Variants in DNAH3 observed in about 807,000 individuals in gnomAD.
DNAH3 encodes axonemal beta dynein heavy chain 3.
A neutral mutation model predicts 432.5 loss-of-function variants in DNAH3; 332 were observed. That is an observed-to-expected ratio of 0.77 (90% confidence interval 0.70 to 0.84). DNAH3 has a LOEUF of 0.84. DNAH3 is among the 40% of genes least tolerant of loss of function. The probability of loss-of-function intolerance (pLI) is 0.00; values close to 1 mark genes in which losing one functional copy is unlikely to be tolerated. For missense variants in DNAH3, 4,861 were observed against 5,114.0 expected (o/e 0.95, Z 1.51); for synonymous variants, 1,956 against 1,900.2 (o/e 1.03, Z -0.76).
chr16:21,082,706 G>A (rs1183102682), intron 19 of DNAH3, among the ~76,000 whole-genome samples: 1 of 151,906 alleles, frequency 6.6e-6, no homozygotes, highest in African/African-American at 2.4e-5. Flanking sequence ...GCAGGTGCCT[G>A]CAATCCCAGC....
At chr16:21,139,584 C>T (rs34976834) in intron 5 of DNAH3, among the ~76,000 whole-genome samples, 65,637 of 150,806 alleles carry the variant, frequency 0.44, 14,557 homozygotes, top group East Asian at 0.68. Flanking sequence ...ACAAGTGATC[C>T]TCCCACCTCA....
chr16:20,989,078 A>C (rs2086393179), intron 44 of DNAH3, among the ~76,000 whole-genome samples: 4 of 152,220 alleles, frequency 2.6e-5, no homozygotes, highest in South Asian at 4.1e-4. Context: ...GAAAGAACAA[A>C]GCTTCCACAG....
chr16:21,107,371 C>T (rs772607309), intron 14 of DNAH3, among the ~76,000 whole-genome samples: 10 of 150,598 alleles, frequency 6.6e-5, no homozygotes, highest in Non-Finnish European at 1.0e-4. Flanking sequence ...TCCCGAGTAG[C>T]TGGGATTACA....
rs2090374975 is a variant in DNAH3, at chr16:21,061,933, G to A, written c.3720+549C>T. Among the ~76,000 whole-genome samples, 6 of 152,304 alleles carry A rather than the reference G, an allele frequency of 3.9e-5. No homozygotes were observed. In the South Asian group the frequency reaches 1.0e-3, roughly 26 times the overall value. Reference sequence around the variant, plus strand: ...CTCCTGGTTGCTGCAGTTTATACGCGTGGGTGGCAAAAACAGTCAACAAAG... The same window carrying A: ...CTCCTGGTTGCTGCAGTTTATACGCATGGGTGGCAAAAACAGTCAACAAAG... On this transcript the variant is annotated intron_variant, in intron 25 of 61. Coordinates refer to ENST00000261383, the Ensembl canonical transcript of DNAH3.
At position 21,051,860 on chromosome 16, in the gene DNAH3, C is replaced by T. The variant is rs201094341; in HGVS notation, c.4048G>A (p.Val1350Met). 2.8e-5 allele frequency: 45 copies of T among 1,614,182 alleles called. No homozygotes were observed. Among genetic ancestry groups the T allele is most frequent in the Middle Eastern group, 1.7e-4 (1 of 6,058 alleles). Residue 1350 changes from valine (V) to methionine (M), a missense_variant, in exon 29 of 62, where the codon GTG (valine) becomes ATG (methionine). Val to Met is a conservative substitution (Grantham distance 21, BLOSUM62 1). Transcript: ENST00000261383. Reference sequence around the variant, plus strand: ...CTGTCCTCAGATAACTTGGCCACCACGTCGCGGGCTGTTGGGACACAGATG... The same window carrying T: ...CTGTCCTCAGATAACTTGGCCACCATGTCGCGGGCTGTTGGGACACAGATG...
Position 20,963,839 on chromosome 16 carries a change from T to A in DNAH3, c.10045A>T (p.Ile3349Phe), listed in dbSNP as rs778422067. The change falls in exon 53 of 62, where the codon ATC (isoleucine) becomes TTC (phenylalanine). Residue 3349 changes from isoleucine to phenylalanine, a missense_variant. Transcript: ENST00000261383. Reference sequence around the variant, plus strand: ...ATGCTCAGGGTGAAATGGTCAATGATGTACTTGATGCGCAGATTCAGTTCC... The same window carrying A: ...ATGCTCAGGGTGAAATGGTCAATGAAGTACTTGATGCGCAGATTCAGTTCC... 4 of 1,614,078 alleles carry A rather than the reference T, an allele frequency of 2.5e-6. No homozygotes were observed. In the Admixed American group the frequency reaches 6.7e-5, roughly 27 times the overall value.
At chr16:21,098,501 G>T in intron 17 of DNAH3, 115 bp downstream of exon 17, 6 of 963,700 alleles carry the variant, frequency 6.2e-6, no homozygotes, top group South Asian at 2.3e-5. Flanking sequence ...TGGCCAATGA[G>T]TTAACCAATA....
At chr16:21,054,556 A>ACAACTGGTTACATTTGACTCT in intron 27 of DNAH3, 22 bp from the exon 28 acceptor site, 2 of 1,551,510 alleles carry the variant, frequency 1.3e-6, no homozygotes, top group Non-Finnish European at 1.8e-6. Flanking sequence ...AGAGGAGGGG[A>ACAACTGGTTACATTTGACTCT]CAACTGGTTA....
At chr16:21,028,106 C>A (rs1341494276) in intron 37 of DNAH3, among the ~76,000 whole-genome samples, 1 of 152,202 alleles carries the variant, frequency 6.6e-6, no homozygotes, top group Non-Finnish European at 1.5e-5. Context: ...CCCACCTCAG[C>A]CTCCTGAGTA....
intron 58 of DNAH3, 58 bp downstream of exon 58, chr16:20,944,438 A>C (rs1417516371): frequency 6.3e-7 from 1 of 1,595,654 alleles, no homozygotes; most frequent in Non-Finnish European, 8.6e-7. Context: ...CTGTGTGCCC[A>C]CTGGATGAAG....
exon 28 of DNAH3, chr16:21,054,425 A>C: frequency 1.2e-6 from 2 of 1,613,404 alleles, no homozygotes; most frequent in Non-Finnish European, 1.7e-6. Flanking sequence ...CTTACCGTGG[A>C]CATCGATGAC....
intron 56 of DNAH3, among the ~76,000 whole-genome samples, chr16:20,951,127 TAC>T (rs1413352658): frequency 6.6e-6 from 1 of 152,156 alleles, no homozygotes; most frequent in African/African-American, 2.4e-5. Context: ...GATCAAGTTT[TAC>T]ACATTTACAT....
At chr16:20,968,270 T>C (rs895738429) in intron 52 of DNAH3, among the ~76,000 whole-genome samples, 3 of 152,048 alleles carry the variant, frequency 2.0e-5, no homozygotes, top group African/African-American at 7.2e-5. Flanking sequence ...GGTTTTGTCA[T>C]GTTGTCCAGG....
chr16:21,104,532 C>T, exon 16 of DNAH3: 2 of 1,613,996 alleles, frequency 1.2e-6, no homozygotes, highest in Non-Finnish European at 1.7e-6. Flanking sequence ...CGGCTGTTGT[C>T]AAAGATATCT....
At chr16:21,155,621 CAAAAAAAA>C (rs369001374) in intron 1 of DNAH3, among the ~76,000 whole-genome samples, 1 of 76,764 alleles carries the variant, frequency 1.3e-5, no homozygotes, top group Admixed American at 1.6e-4. Flanking sequence ...GACTCCGTCT[CAAAAAAAA>C]AAAAAAAAAA....
intron 20 of DNAH3, among the ~76,000 whole-genome samples, chr16:21,079,646 AAAAT>A (rs1179391063): frequency 2.0e-5 from 3 of 152,168 alleles, no homozygotes; most frequent in Admixed American, 6.5e-5. Flanking sequence ...CAAAAAATAA[AAAAT>A]AAATAAATAA....
chr16:20,988,355 C>A (rs1474742030), intron 44 of DNAH3, among the ~76,000 whole-genome samples: 1 of 152,236 alleles, frequency 6.6e-6, no homozygotes, highest in Non-Finnish European at 1.5e-5. Context: ...CATCTCCATA[C>A]TGCGGAAGTT....
intron 20 of DNAH3, among the ~76,000 whole-genome samples, chr16:21,076,155 G>A (rs961506310): frequency 2.6e-5 from 4 of 152,092 alleles, no homozygotes; most frequent in African/African-American, 9.7e-5. Flanking sequence ...ATCTTGGAAT[G>A]TAACTCTATT....
exon 43 of DNAH3, chr16:21,000,358 T>C: frequency 6.2e-7 from 1 of 1,614,018 alleles, no homozygotes; most frequent in Non-Finnish European, 8.5e-7. Flanking sequence ...GTTGGGTAGG[T>C]ACGTATTTTT....
Sources: gnomAD v4.1 joint callset for allele counts (sites outside exome capture counted in the v4.1 genomes callset) on GRCh38, gnomAD v4.1.1 for gene constraint, MANE v1.5 for transcripts, NCBI Gene and HGNC (gene_info 2026-07-23, HGNC 2026-07-21) for gene names.